Variants in NAALADL2 observed in about 807,000 individuals in gnomAD.
NAALADL2 encodes inactive N-acetylated-alpha-linked acidic dipeptidase-like protein 2.
A neutral mutation model predicts 87.2 loss-of-function variants in NAALADL2; 76 were observed. That is an observed-to-expected ratio of 0.87 (90% CI 0.72 to 1.05). NAALADL2 has a LOEUF of 1.05. NAALADL2 is among the 50% of genes least tolerant of loss of function. The probability of loss-of-function intolerance (pLI) is 0.00; values close to 1 mark genes in which losing one functional copy is unlikely to be tolerated. For missense variants in NAALADL2, 1,089 were observed against 945.8 expected (o/e 1.15, Z -1.99); for synonymous variants, 354 against 331.0 (o/e 1.07, Z -0.75).
intron 11 of NAALADL2, among the ~76,000 whole-genome samples, chr3:175,660,003 G>A (rs373926791): frequency 3.9e-5 from 6 of 152,206 alleles, no homozygotes; most frequent in African/African-American, 7.2e-5. Flanking sequence ...CAAGATTAAG[G>A]CATCAGCAGA....
At chr3:174,486,925 G>T (rs1360564768) in intron 1 of NAALADL2, among the ~76,000 whole-genome samples, 1 of 151,898 alleles carries the variant, frequency 6.6e-6, no homozygotes, top group Non-Finnish European at 1.5e-5. Context: ...CTAAACAAGA[G>T]CTGCCACCTT....
intron 2 of NAALADL2, among the ~76,000 whole-genome samples, chr3:175,143,038 A>G (rs769249198): frequency 2.6e-5 from 4 of 151,976 alleles, no homozygotes; most frequent in Non-Finnish European, 5.9e-5. Flanking sequence ...AGCATGTGGT[A>G]TTTGACTGCA....
chr3:174,776,709 A>G (rs1715253739), intron 3 of NAALADL2, among the ~76,000 whole-genome samples: 1 of 152,144 alleles, frequency 6.6e-6, no homozygotes, highest in Admixed American at 6.6e-5. Flanking sequence ...GATAGAAGAT[A>G]TTTCACTTAT....
At chr3:174,745,232 TAG>T (rs1734139556) in intron 3 of NAALADL2, among the ~76,000 whole-genome samples, 1 of 151,480 alleles carries the variant, frequency 6.6e-6, no homozygotes, top group Admixed American at 6.6e-5. Flanking sequence ...AAGAATCAAA[TAG>T]ACACAATAAA....
chr3:175,359,700 C>T (rs1328821667), intron 5 of NAALADL2, among the ~76,000 whole-genome samples: 1 of 152,032 alleles, frequency 6.6e-6, no homozygotes, highest in East Asian at 1.9e-4. Flanking sequence ...TAAAGCACTA[C>T]ACTCCTCAAA....
At chr3:175,787,238 A>G (rs1289487790) in intron 13 of NAALADL2, among the ~76,000 whole-genome samples, 2 of 152,116 alleles carry the variant, frequency 1.3e-5, no homozygotes, top group Non-Finnish European at 2.9e-5. Context: ...GGTGGGCTCC[A>G]CCCAGTTCGA....
intron 2 of NAALADL2, among the ~76,000 whole-genome samples, chr3:175,180,953 T>C (rs1418093603): frequency 6.6e-6 from 1 of 152,000 alleles, no homozygotes; most frequent in Non-Finnish European, 1.5e-5. Flanking sequence ...TTTCAGACCA[T>C]TGAGCTCTAA....
chr3:175,578,836 C>T (rs1376963205), intron 10 of NAALADL2, among the ~76,000 whole-genome samples: 2 of 152,208 alleles, frequency 1.3e-5, no homozygotes, highest in Non-Finnish European at 2.9e-5. Flanking sequence ...TCCACGGAAA[C>T]AATCAACTAA....
intron 13 of NAALADL2, among the ~76,000 whole-genome samples, chr3:175,791,489 A>ATCTGAAAGAAGAGAAACTG (rs1752770052): frequency 6.6e-6 from 1 of 152,180 alleles, no homozygotes; most frequent in Non-Finnish European, 1.5e-5. Flanking sequence ...AAACCAAGAC[A>ATCTGAAAGAAGAGAAACTG]TTGGGACAGT....
chr3:174,767,501 C>T (rs1410239642), intron 3 of NAALADL2, among the ~76,000 whole-genome samples: 1 of 152,120 alleles, frequency 6.6e-6, no homozygotes, highest in Non-Finnish European at 1.5e-5. Flanking sequence ...TGCTGTAGCA[C>T]TCAAACGTTA....
chr3:175,180,208 G>A (rs1167330570), intron 2 of NAALADL2, among the ~76,000 whole-genome samples: 16 of 151,766 alleles, frequency 1.1e-4, no homozygotes, highest in Admixed American at 1.1e-3. Context: ...TACGTATTTG[G>A]CCAATGAAAA....
At chr3:175,316,552 A>G (rs1203087312) in intron 4 of NAALADL2, among the ~76,000 whole-genome samples, 1 of 152,124 alleles carries the variant, frequency 6.6e-6, no homozygotes, top group Non-Finnish European at 1.5e-5. Context: ...TTAGACCCCC[A>G]TGTAGTCATC....
rs568951788 is a variant in NAALADL2 at position 175,175,040 on chromosome 3, C to T, written c.546-58891C>T. 3.5e-4 allele frequency among the ~76,000 whole-genome samples: 53 copies of T among 151,894 alleles called. 1 individual carries two copies. In the East Asian group the frequency reaches 4.1e-3, roughly 12 times the overall value. The stretch of plus-strand genomic sequence containing the variant: ...GTATAATTTTTTCTCTTCTGTTTTT[C>T]GTTGTATCATTAAAAATTTCATAAG... On this transcript the variant is annotated intron_variant, in intron 2 of 13. Coordinates refer to ENST00000454872, the MANE Select transcript of NAALADL2 (RefSeq NM_207015.3).
intron 7 of NAALADL2, among the ~76,000 whole-genome samples, chr3:175,466,666 A>G (rs983080895): frequency 6.6e-6 from 1 of 152,128 alleles, no homozygotes; most frequent in Non-Finnish European, 1.5e-5. Flanking sequence ...TCCCACTCTG[A>G]GTCTGGAAAA....
At chr3:175,110,519 G>A (rs1346553523) in intron 2 of NAALADL2, among the ~76,000 whole-genome samples, 3 of 151,872 alleles carry the variant, frequency 2.0e-5, no homozygotes, top group East Asian at 1.9e-4. Context: ...ACAACTTATG[G>A]CCAAAGAGGG....
intron 10 of NAALADL2, among the ~76,000 whole-genome samples, chr3:175,584,705 A>C (rs1720287821): frequency 6.6e-6 from 1 of 152,228 alleles, no homozygotes. Flanking sequence ...TGTAGACTGT[A>C]CTGAATACTA....
chr3:175,398,721 C>T (rs1770162188), intron 5 of NAALADL2, among the ~76,000 whole-genome samples: 1 of 152,020 alleles, frequency 6.6e-6, no homozygotes, highest in Admixed American at 6.6e-5. Flanking sequence ...TTATTTTAAA[C>T]ATTTCCACAT....
At chr3:175,435,334 T>C (rs1434955366) in intron 5 of NAALADL2, among the ~76,000 whole-genome samples, 2 of 152,014 alleles carry the variant, frequency 1.3e-5, no homozygotes, top group Non-Finnish European at 2.9e-5. Context: ...ACTAAAGCAA[T>C]AGAAACCATT....
intron 5 of NAALADL2, among the ~76,000 whole-genome samples, chr3:175,370,867 A>G (rs1269585217): frequency 6.6e-6 from 1 of 152,218 alleles, no homozygotes; most frequent in Non-Finnish European, 1.5e-5. Flanking sequence ...TTCAGAGCAT[A>G]AAGGAGAAAG....
Sources: allele counts gnomAD v4.1 joint callset (sites outside exome capture counted in the v4.1 genomes callset), GRCh38; gene constraint gnomAD v4.1.1; transcripts MANE v1.5; gene names NCBI Gene and HGNC (gene_info 2026-07-23, HGNC 2026-07-21).